Variants in PCSK5 observed in about 807,000 individuals in gnomAD.
PCSK5 encodes prohormone convertase 5.
A neutral mutation model predicts 233.2 loss-of-function variants in PCSK5; 129 were observed. The observed-to-expected ratio is 0.55, with a 90% CI of 0.48 to 0.64. PCSK5 has a LOEUF of 0.64. Among genes scored for constraint, PCSK5 ranks in the 30% least tolerant of loss-of-function variants. The pLI, the probability that PCSK5 is intolerant of heterozygous loss-of-function variation, is 0.00. For missense variants in PCSK5, 2,076 were observed against 2,430.1 expected (o/e 0.85, Z 3.06); for synonymous variants, 825 against 879.2 (o/e 0.94, Z 1.09).
At chr9:76,321,708 G>C in intron 31 of PCSK5, 69 bp downstream of exon 31, 1 of 971,268 alleles carries the variant, frequency 1.0e-6, no homozygotes, top group Non-Finnish European at 1.6e-6. Flanking sequence ...ATTATCTGAG[G>C]GTGGATGGCA....
chr9:76,064,308 C>T (rs1336345511), intron 5 of PCSK5, among the ~76,000 whole-genome samples: 1 of 70,892 alleles, frequency 1.4e-5, no homozygotes, highest in Admixed American at 1.3e-4. Flanking sequence ...TAGGGGCGGC[C>T]GGGCAGAGGC....
At chr9:76,344,605 G>A (rs1418474178) in intron 35 of PCSK5, among the ~76,000 whole-genome samples, 1 of 152,200 alleles carries the variant, frequency 6.6e-6, no homozygotes, top group Non-Finnish European at 1.5e-5. Flanking sequence ...GTGGAAAGCT[G>A]ATATTATCAT....
chr9:76,135,797 C>G (rs1822946282), intron 10 of PCSK5, among the ~76,000 whole-genome samples: 1 of 152,068 alleles, frequency 6.6e-6, no homozygotes, highest in South Asian at 2.1e-4. Context: ...GGATCACAGA[C>G]TAAGGACATT....
At chr9:76,122,081 C>T (rs1248242995) in intron 9 of PCSK5, among the ~76,000 whole-genome samples, 1 of 43,752 alleles carries the variant, frequency 2.3e-5, no homozygotes, top group Non-Finnish European at 6.1e-5. Context: ...CCTCGGCCTC[C>T]CAAAGTGCTG....
intron 1 of PCSK5, among the ~76,000 whole-genome samples, chr9:75,932,042 C>G (rs1356850926): frequency 2.6e-5 from 4 of 152,190 alleles, no homozygotes; most frequent in African/African-American, 9.6e-5. Flanking sequence ...ATTTTCCCCC[C>G]TCTTTCCCAC....
intron 9 of PCSK5, among the ~76,000 whole-genome samples, chr9:76,133,624 A>G (rs1822850655): frequency 6.6e-6 from 1 of 152,026 alleles, no homozygotes; most frequent in Non-Finnish European, 1.5e-5. Flanking sequence ...TCCATATCCC[A>G]CATATATATG....
chr9:76,101,287 G>A (rs1001731104), intron 8 of PCSK5, among the ~76,000 whole-genome samples: 4 of 152,160 alleles, frequency 2.6e-5, no homozygotes, highest in Admixed American at 2.6e-4. Flanking sequence ...AGGAAGACAG[G>A]GAGCTGCTCT....
intron 2 of PCSK5, among the ~76,000 whole-genome samples, chr9:75,939,188 C>G (rs1480328835): frequency 1.3e-5 from 2 of 152,166 alleles, no homozygotes; most frequent in Non-Finnish European, 2.9e-5. Context: ...AGCCTTGAGT[C>G]ACACATATAA....
chr9:76,258,253 A>T lies in PCSK5; in HGVS notation c.3142+17569A>T, dbSNP rs574727309. Among the ~76,000 whole-genome samples, 6 of 152,354 alleles carry T rather than the reference A, an allele frequency of 3.9e-5. 1 individual carries two copies. The South Asian group carries it at 1.2e-3, about 32-fold the overall frequency. ...TAATTTATCATCATGGTAGAATTTT[A>T]TGCCCTCAAATAATTGCTAGTAACC... is the stretch of plus-strand genomic sequence containing the variant. On this transcript the variant is annotated intron_variant, in intron 24 of 37. Transcript: ENST00000674117.
intron 2 of PCSK5, among the ~76,000 whole-genome samples, chr9:75,938,380 T>C (rs1036772610): frequency 1.2e-4 from 18 of 152,212 alleles, no homozygotes; most frequent in Non-Finnish European, 1.8e-4. Flanking sequence ...TTCACTGTCA[T>C]ATGGGTGAGG....
intron 19 of PCSK5, 82 bp from the exon 20 acceptor site, chr9:76,189,549 A>G: frequency 1.2e-6 from 1 of 834,958 alleles, no homozygotes; most frequent in Non-Finnish European, 2.0e-6. Flanking sequence ...AATTAAATGT[A>G]AGACATTATG....
intron 3 of PCSK5, among the ~76,000 whole-genome samples, chr9:75,999,018 G>T (rs957504447): frequency 3.9e-5 from 6 of 151,904 alleles, no homozygotes; most frequent in African/African-American, 1.5e-4. Flanking sequence ...TCCAAATAAG[G>T]CTTATACATT....
At chr9:76,248,159 G>A (rs1433514244) in intron 24 of PCSK5, among the ~76,000 whole-genome samples, 3 of 152,002 alleles carry the variant, frequency 2.0e-5, no homozygotes, top group East Asian at 3.9e-4. Flanking sequence ...TGAACTCCTG[G>A]CCTCAAGCAA....
Position 75,947,110 on chromosome 9 carries a change from A to G in PCSK5, c.297+14627A>G, listed in dbSNP as rs1824612064. On this transcript the variant is annotated intron_variant, in intron 2 of 37. Coordinates refer to ENST00000674117, the MANE Select transcript of PCSK5 (RefSeq NM_001372043.1). The stretch of plus-strand genomic sequence containing the variant: ...CTTGCAATATAAGAGAATGATGATG[A>G]GAATAATAATAATTGTTATTGCTGG... Among the ~76,000 whole-genome samples the G allele has an allele frequency of 2.6e-5, 4 of 152,336 alleles. No individual in the cohort carries two copies. In the South Asian group the frequency reaches 8.3e-4, roughly 32 times the overall value.
intron 9 of PCSK5, among the ~76,000 whole-genome samples, chr9:76,115,485 C>T (rs756232969): frequency 5.3e-5 from 8 of 152,092 alleles, no homozygotes; most frequent in Non-Finnish European, 1.0e-4. Context: ...AGAAACTCCA[C>T]TGATGTATAT....
intron 7 of PCSK5, among the ~76,000 whole-genome samples, chr9:76,075,107 C>G (rs1302091446): frequency 6.6e-6 from 1 of 152,126 alleles, no homozygotes; most frequent in Non-Finnish European, 1.5e-5. Context: ...GTAATCCCAA[C>G]TACTCAAGAG....
At chr9:75,940,154 C>T (rs1244787922) in intron 2 of PCSK5, among the ~76,000 whole-genome samples, 4 of 152,232 alleles carry the variant, frequency 2.6e-5, no homozygotes, top group African/African-American at 9.6e-5. Flanking sequence ...CACCATCAGA[C>T]AGGGCAAACA....
chr9:76,353,553 T>C (rs1470978802), intron 36 of PCSK5, among the ~76,000 whole-genome samples: 1 of 151,812 alleles, frequency 6.6e-6, no homozygotes, highest in Non-Finnish European at 1.5e-5. Context: ...AATAGAAGAG[T>C]GGAAAGAGGG....
At chr9:76,068,262 C>A (rs1401769788) in intron 6 of PCSK5, among the ~76,000 whole-genome samples, 3 of 151,996 alleles carry the variant, frequency 2.0e-5, no homozygotes, top group Admixed American at 2.0e-4. Flanking sequence ...ATTGTAAACA[C>A]TTTTCTTTTA....
Sources: allele counts gnomAD v4.1 joint callset (sites outside exome capture counted in the v4.1 genomes callset), GRCh38; gene constraint gnomAD v4.1.1; transcripts MANE v1.5; gene names NCBI Gene and HGNC (gene_info 2026-07-23, HGNC 2026-07-21).